Variants in ADAMTSL1 observed in about 807,000 individuals in gnomAD.
ADAMTSL1 encodes ADAMTS like 1.
In ADAMTSL1, 126 loss-of-function variants were observed where a neutral mutation model predicts 201.8. The observed-to-expected ratio is 0.62, with a 90% confidence interval of 0.54 to 0.72. The LOEUF (loss-of-function observed/expected upper bound fraction) is 0.72, where lower values mean the gene tolerates loss of function less well. Ranked by LOEUF, ADAMTSL1 falls within the 30% of genes least tolerant of loss-of-function variation. ADAMTSL1 has a pLI of 0.00. For synonymous variants in ADAMTSL1, 1,121 were observed against 903.4 expected, an observed-to-expected ratio of 1.24 and a Z score of -4.32; for missense variants, 2,679 against 2,277.8, an observed-to-expected ratio of 1.18 and a Z score of -3.59.
intron 1 of ADAMTSL1, among the ~76,000 whole-genome samples, chr9:17,946,875 T>A (rs149300579): frequency 1.6e-4 from 25 of 152,284 alleles, no homozygotes; most frequent in African/African-American, 6.0e-4. Context: ...GCATTTTGAT[T>A]ATTAAAGATT....
chr9:17,911,955 A>G (rs10963335), intron 1 of ADAMTSL1, among the ~76,000 whole-genome samples: 24,068 of 50,000 alleles, frequency 0.48, 9,836 homozygotes, highest in Non-Finnish European at 0.78. Context: ...TTGTTCTTGC[A>G]ATAGTTTACT....
At chr9:18,541,135 A>T (rs113220955) in intron 3 of ADAMTSL1, among the ~76,000 whole-genome samples, 8 of 152,168 alleles carry the variant, frequency 5.3e-5, no homozygotes, top group Non-Finnish European at 1.2e-4. Flanking sequence ...TTGTACACTG[A>T]TACAACAAAA....
At chr9:18,775,240 C>T (rs968296683) in intron 17 of ADAMTSL1, among the ~76,000 whole-genome samples, 1 of 152,084 alleles carries the variant, frequency 6.6e-6, no homozygotes, top group Non-Finnish European at 1.5e-5. Context: ...CATCTAGCAC[C>T]CTACCTTAGA....
chr9:18,178,830 G>C (rs1467370297), intron 2 of ADAMTSL1, among the ~76,000 whole-genome samples: 1 of 152,118 alleles, frequency 6.6e-6, no homozygotes, highest in East Asian at 1.9e-4. Flanking sequence ...TCTGTTGGAA[G>C]GAAAACTAAC....
chr9:18,431,627 C>T (rs1206696888), intron 2 of ADAMTSL1, among the ~76,000 whole-genome samples: 1 of 152,116 alleles, frequency 6.6e-6, no homozygotes, highest in South Asian at 2.1e-4. Flanking sequence ...GATGGTCACC[C>T]AGCCTCTGCT....
chr9:18,901,067 C>T (rs1412447329), intron 26 of ADAMTSL1, among the ~76,000 whole-genome samples: 4 of 152,022 alleles, frequency 2.6e-5, no homozygotes. Flanking sequence ...CTTCCTGAGG[C>T]CTCACCACAA....
chr9:18,775,612 A>T, intron 17 of ADAMTSL1, 131 bp from the exon 18 acceptor site: 1 of 1,193,240 alleles, frequency 8.4e-7, no homozygotes, highest in Non-Finnish European at 1.2e-6. Flanking sequence ...CCTCATAATT[A>T]GTATTTCTAT....
At position 18,377,724 on chromosome 9, in the gene ADAMTSL1, G is replaced by C. The variant is rs570443459; in HGVS notation, c.208-127105G>C. Reference sequence around the variant, plus strand: ...TGGGAATACAGTCGCGTGCCACCACGCCCGGTTAATTTTTTGTATTTTTAG... The same window carrying C: ...TGGGAATACAGTCGCGTGCCACCACCCCCGGTTAATTTTTTGTATTTTTAG... On this transcript the variant is annotated intron_variant, in intron 2 of 29. Transcript: ENST00000680146. Among the ~76,000 whole-genome samples, 67 of 152,110 alleles carry C rather than the reference G, an allele frequency of 4.4e-4. No homozygotes were observed. In the South Asian group the frequency reaches 0.012, roughly 28 times the overall value.
chr9:18,224,513 A>C (rs1188260097), intron 2 of ADAMTSL1, among the ~76,000 whole-genome samples: 1 of 152,188 alleles, frequency 6.6e-6, no homozygotes, highest in Non-Finnish European at 1.5e-5. Context: ...TTCACATCAT[A>C]ACATTCTGCT....
At chr9:18,077,608 C>A (rs1249649574) in intron 1 of ADAMTSL1, among the ~76,000 whole-genome samples, 1 of 152,128 alleles carries the variant, frequency 6.6e-6, no homozygotes, top group African/African-American at 2.4e-5. Flanking sequence ...AGAGGCCACA[C>A]TGGAGTAGCT....
At chr9:17,947,852 C>A (rs181911095) in intron 1 of ADAMTSL1, among the ~76,000 whole-genome samples, 1 of 152,074 alleles carries the variant, frequency 6.6e-6, no homozygotes, top group Non-Finnish European at 1.5e-5. Flanking sequence ...TCTACCTGAA[C>A]GAAAAGTCAT....
rs565436293 is a variant in ADAMTSL1 at position 18,144,680 on chromosome 9, C to A, written c.88-19182C>A. Among the ~76,000 whole-genome samples, 4 of 152,168 alleles carry A rather than the reference C, an allele frequency of 2.6e-5. No individual in the cohort carries two copies. In the East Asian group the frequency reaches 7.7e-4, roughly 29 times the overall value. On this transcript the variant is annotated intron_variant, in intron 1 of 29. Coordinates refer to the ADAMTSL1 transcript ENST00000680146. Reference sequence around the variant, plus strand: ...ATTAAAACGAATTTTTGCAAAGATACTAGCTTTTTAGAAGCAGAGAATTTT... The same window carrying A: ...ATTAAAACGAATTTTTGCAAAGATAATAGCTTTTTAGAAGCAGAGAATTTT...
intron 23 of ADAMTSL1, among the ~76,000 whole-genome samples, chr9:18,841,277 T>C (rs937305032): frequency 6.6e-6 from 1 of 152,100 alleles, no homozygotes; most frequent in Non-Finnish European, 1.5e-5. Flanking sequence ...AGGCCTTTTC[T>C]GCATCTATTG....
intron 2 of ADAMTSL1, among the ~76,000 whole-genome samples, chr9:18,170,717 A>G (rs1000060483): frequency 1.3e-5 from 2 of 152,038 alleles, no homozygotes; most frequent in Non-Finnish European, 2.9e-5. Context: ...ATTGTTTGAG[A>G]TAGTAAACTA....
intron 26 of ADAMTSL1, among the ~76,000 whole-genome samples, chr9:18,895,562 C>A (rs775524563): frequency 6.6e-6 from 1 of 152,094 alleles, no homozygotes; most frequent in Non-Finnish European, 1.5e-5. Flanking sequence ...CTCTATGCAA[C>A]TGACGCTCTA....
chr9:18,143,458 C>G (rs1043443889), intron 1 of ADAMTSL1, among the ~76,000 whole-genome samples: 1 of 152,106 alleles, frequency 6.6e-6, no homozygotes, highest in Non-Finnish European at 1.5e-5. Context: ...TGGAGCAGGA[C>G]AATGTTGCTT....
chr9:18,028,600 GT>G (rs1446972212), intron 1 of ADAMTSL1, among the ~76,000 whole-genome samples: 1 of 152,034 alleles, frequency 6.6e-6, no homozygotes, highest in Admixed American at 6.6e-5. Context: ...TGAGGGCTCT[GT>G]TCTGTTCCAT....
Position 18,777,252 on chromosome 9 carries a change from C to T in ADAMTSL1, c.3023C>T (p.Ala1008Val), listed in dbSNP as rs867390837. 5 of 1,611,916 alleles carry T rather than the reference C, an allele frequency of 3.1e-6. No individual in the cohort carries two copies. In the Admixed American group the frequency reaches 5.0e-5, roughly 16 times the overall value. ...GGGATCTTCTCCAACGGCAGCAAGG[C>T]GGAGAAGCGGGGCCTGGCCGCCAAC... The part of the protein sequence containing the change: ...QNGIFSNGSK[A>V]EKRGLAANPG... Residue 1008 changes from alanine to valine, a missense_variant, in exon 19 of 29, where the codon GCG (alanine) becomes GTG (valine). Physicochemically the swap from Ala to Val is moderately conservative, Grantham distance 64. Coordinates refer to ENST00000380548, the MANE Select transcript of ADAMTSL1 (RefSeq NM_001040272.6).
At chr9:18,886,544 A>G (rs1447996921) in intron 23 of ADAMTSL1, among the ~76,000 whole-genome samples, 1 of 152,196 alleles carries the variant, frequency 6.6e-6, no homozygotes, top group Non-Finnish European at 1.5e-5. Flanking sequence ...TTTGTTTTTT[A>G]CAGTTCTGGA....
Sources: gnomAD v4.1 joint callset for allele counts (sites outside exome capture counted in the v4.1 genomes callset) on GRCh38, gnomAD v4.1.1 for gene constraint, MANE v1.5 for transcripts, NCBI Gene and HGNC (gene_info 2026-07-23, HGNC 2026-07-21) for gene names.